The following TGM4 variants were observed in gnomAD, a reference collection of about 807,000 sequenced individuals.
TGM4 encodes the protein transglutaminase 4.
A neutral mutation model predicts 76.3 loss-of-function variants in TGM4; 61 were observed. The observed-to-expected ratio is 0.80, with a 90% CI of 0.65 to 0.99. TGM4 has a LOEUF of 0.99. Among genes scored for constraint, TGM4 ranks in the 50% least tolerant of loss-of-function variants. The pLI is 0.00. For synonymous variants in TGM4, 337 were observed against 329.8 expected, an observed-to-expected ratio of 1.02 and a Z score of -0.24; for missense variants, 794 against 843.2, an observed-to-expected ratio of 0.94 and a Z score of 0.72.
In TGM4 at chr3:44,910,942, C is replaced by G; in HGVS notation, c.1607-16C>G. The G allele has an allele frequency of 3.1e-6, 5 of 1,612,236 alleles. No homozygotes were observed. The highest frequency in any genetic ancestry group is 4.2e-6 in the Non-Finnish European group (5 of 1,178,514). ...ATGATGAATGACCTCTCCCCTCCAC[C>G]CTGACTCTTTGGCAGTATCAGAAGT... is the stretch of plus-strand genomic sequence containing the variant. On this transcript the variant is annotated splice_polypyrimidine_tract_variant and intron_variant, in intron 11 of 13. Transcript: ENST00000296125.
rs531352181 is a variant in TGM4 at position 44,907,013 on chromosome 3, T to A, written c.1140T>A (p.Tyr380Ter). 2 of 1,614,152 alleles carry A rather than the reference T, an allele frequency of 1.2e-6. No homozygotes were observed. The highest frequency in any genetic ancestry group is 4.5e-5 in the East Asian group (2 of 44,878). Residue 380 changes from tyrosine to a stop codon, truncating the protein, a stop_gained, in exon 10 of 14, where the codon TAT becomes TAA. Transcript: ENST00000296125. LOFTEE classifies it high-confidence loss of function. ...GCAAAGGTGACATCTTTATTGTCTA[T>A]GACACCAGATTCGTCTTCTCAGAAG... ...AIRKGDIFIVYDTRFVFSEVN... is the reference protein window; with the variant it reads ...AIRKGDIFIV
intron 1 of TGM4, among the ~76,000 whole-genome samples, chr3:44,880,631 C>G (rs1030147855): frequency 6.6e-6 from 1 of 152,174 alleles, no homozygotes; most frequent in African/African-American, 2.4e-5. Context: ...CCTGAGGGAG[C>G]TAGGCAGGTC....
chr3:44,882,534 T>C (rs1222985422), intron 1 of TGM4, among the ~76,000 whole-genome samples: 1 of 152,210 alleles, frequency 6.6e-6, no homozygotes, highest in Non-Finnish European at 1.5e-5. Context: ...TGGAGAATCT[T>C]CCCTTGTCTT....
chr3:44,907,259 T>G, intron 10 of TGM4, 59 bp downstream of exon 10: 1 of 1,540,278 alleles, frequency 6.5e-7, no homozygotes, highest in South Asian at 1.2e-5. Flanking sequence ...AACATGAAAA[T>G]AGTCAAGATT....
chr3:44,903,088 C>A (rs865889878), intron 8 of TGM4, among the ~76,000 whole-genome samples: 1 of 152,214 alleles, frequency 6.6e-6, no homozygotes, highest in African/African-American at 2.4e-5. Flanking sequence ...TGAACAGCAT[C>A]GGTTTGAACT....
intron 9 of TGM4, among the ~76,000 whole-genome samples, chr3:44,905,486 G>T (rs1176133902): frequency 6.6e-6 from 1 of 152,186 alleles, no homozygotes; most frequent in Non-Finnish European, 1.5e-5. Context: ...TCTTAGTTTG[G>T]CTGTGAGCCT....
chr3:44,878,225 T>C (rs1487478416), intron 1 of TGM4, among the ~76,000 whole-genome samples: 1 of 150,144 alleles, frequency 6.7e-6, no homozygotes, highest in Admixed American at 6.6e-5. Context: ...TTTCAAGACA[T>C]GTGTGTGAGA....
intron 11 of TGM4, 125 bp from the exon 12 acceptor site, chr3:44,910,833 G>T: frequency 9.3e-7 from 1 of 1,072,004 alleles, no homozygotes; most frequent in Non-Finnish European, 1.3e-6. Context: ...AGAGAGTATG[G>T]GACATGTCCA....
At chr3:44,882,285 C>T (rs1055874306) in intron 1 of TGM4, among the ~76,000 whole-genome samples, 2 of 152,050 alleles carry the variant, frequency 1.3e-5, no homozygotes, top group African/African-American at 4.8e-5. Context: ...AGGATTCCTC[C>T]AGCCTCCCAG....
intron 3 of TGM4, among the ~76,000 whole-genome samples, chr3:44,890,003 A>T (rs1439343787): frequency 6.6e-6 from 1 of 152,178 alleles, no homozygotes; most frequent in Non-Finnish European, 1.5e-5. Flanking sequence ...ATGGCAGAAG[A>T]GGAAGTAGGC....
At chr3:44,887,156 AC>A (rs1699619026) in intron 2 of TGM4, among the ~76,000 whole-genome samples, 1 of 152,236 alleles carries the variant, frequency 6.6e-6, no homozygotes, top group Non-Finnish European at 1.5e-5. Context: ...GAGAAGCCTC[AC>A]TGAGGGCCAC....
At chr3:44,887,849 C>T (rs1699631321) in intron 3 of TGM4, 54 bp downstream of exon 3, 2 of 1,489,686 alleles carry the variant, frequency 1.3e-6, no homozygotes, top group Admixed American at 3.4e-5. Context: ...CGGAATGCTC[C>T]TAATGTGAGC....
rs558520593 is a variant in TGM4, at chr3:44,895,911, C to T, written c.550-798C>T. Among the ~76,000 whole-genome samples, 12 of 152,074 alleles carry T rather than the reference C, an allele frequency of 7.9e-5. No homozygotes were observed. The East Asian group carries it at 1.4e-3, about 17-fold the overall frequency. ...ACAGTAAATAGAATTTCAAAAGTAA[C>T]GTGCTTATCACAAAAGACTTAGGAA... is the stretch of plus-strand genomic sequence containing the variant. On this transcript the variant is annotated intron_variant, in intron 5 of 13. Coordinates refer to ENST00000296125, the MANE Select transcript of TGM4 (RefSeq NM_003241.4).
At chr3:44,887,885 C>A in intron 3 of TGM4, 90 bp downstream of exon 3, 1 of 1,137,866 alleles carries the variant, frequency 8.8e-7, no homozygotes, top group Non-Finnish European at 1.3e-6. Context: ...CCTCACCTGT[C>A]AGCTGGTAAC....
At chr3:44,913,127 T>G (rs1700027201) in intron 13 of TGM4, among the ~76,000 whole-genome samples, 1 of 151,174 alleles carries the variant, frequency 6.6e-6, no homozygotes, top group African/African-American at 2.4e-5. Flanking sequence ...AGGTTTAGGG[T>G]GGAGCCTCAG....
In TGM4 at chr3:44,901,881, T is replaced by G; in HGVS notation, c.921T>G (p.Tyr307Ter). 1.2e-6 allele frequency: 2 copies of G among 1,614,228 alleles called. No homozygotes were observed. The highest frequency in any genetic ancestry group is 8.5e-7 in the Non-Finnish European group (1 of 1,180,034). ...DTERNLTVDT[Y>*]VNENGEKITS... is the part of the protein sequence containing the mutation. ...AAAGGAACCTCACGGTGGACACCTA[T>G]GTGAATGAGAATGGCGAGAAAATCA... is the stretch of plus-strand genomic sequence containing the variant. The change falls in exon 8 of 14, where the codon TAT becomes TAG. Residue 307 changes from tyrosine (Y) to a stop codon, truncating the protein, a stop_gained. Transcript: ENST00000296125. LOFTEE classifies it high-confidence loss of function.
intron 4 of TGM4, 35 bp downstream of exon 4, chr3:44,890,767 G>C (rs1368559416): frequency 1.2e-6 from 2 of 1,610,848 alleles, no homozygotes; most frequent in East Asian, 2.2e-5. Flanking sequence ...GGGAATGGCA[G>C]GTGACCCCGG....
rs1261900189 is a variant in TGM4, at chr3:44,878,453, T to G, written c.19+3756T>G. Among the ~76,000 whole-genome samples the G allele has an allele frequency of 2.4e-4, 3 of 12,376 alleles. No individual in the cohort carries two copies. The Admixed American group carries it at 3.3e-3, about 13-fold the overall frequency. The allele number at this position is 12,376 out of a possible 152,430, so 8.1% of individuals were successfully genotyped here. ...ATGGGCATTTATTACTTTTGTTTTA[T>G]TATTATTATTATTATTATTATTATT... On this transcript the variant is annotated intron_variant, in intron 1 of 13. Coordinates refer to ENST00000296125, the MANE Select transcript of TGM4 (RefSeq NM_003241.4).
At chr3:44,880,549 G>A (rs1208903029) in intron 1 of TGM4, among the ~76,000 whole-genome samples, 1 of 152,126 alleles carries the variant, frequency 6.6e-6, no homozygotes, top group Admixed American at 6.5e-5. Context: ...CTGGGGGGTG[G>A]GGGAATGTGA....
Sources: allele counts gnomAD v4.1 joint callset (sites outside exome capture counted in the v4.1 genomes callset), GRCh38; gene constraint gnomAD v4.1.1; transcripts MANE v1.5; gene names NCBI Gene and HGNC (gene_info 2026-07-23, HGNC 2026-07-21).